IQSEC3: variants seen among roughly 807,000 people sequenced by gnomAD.
IQSEC3 encodes the protein IQ motif and SEC7 domain-containing protein 3.
A neutral mutation model predicts 105.4 loss-of-function variants in IQSEC3; 50 were observed. That is an observed-to-expected ratio of 0.47 (90% CI 0.38 to 0.60). The LOEUF (loss-of-function observed/expected upper bound fraction) is 0.60. Among genes scored for constraint, IQSEC3 ranks in the 20% least tolerant of loss-of-function variants. The probability of loss-of-function intolerance (pLI) is 0.00; values close to 1 mark genes in which losing one functional copy is unlikely to be tolerated. For missense variants in IQSEC3, 1,415 were observed against 1,630.0 expected (o/e 0.87, Z 2.27); for synonymous variants, 708 against 746.0 (o/e 0.95, Z 0.83).
At chr12:125,160 T>TA (rs563323168) in intron 2 of IQSEC3, among the ~76,000 whole-genome samples, 53 of 152,204 alleles carry the variant, frequency 3.5e-4, no homozygotes, top group African/African-American at 1.2e-3. Flanking sequence ...ATACTTACAA[T>TA]AGGTAACACA....
At position 96,392 on chromosome 12, in the gene IQSEC3, A is replaced by T. The variant is rs192668522; in HGVS notation, c.555-2754A>T. ...TAAGTTTTTCTTATCAGACTTAAAA[A>T]GGTGCGAGACTCTTAACTGATTTTC... On this transcript the variant is annotated intron_variant, in intron 1 of 13. Coordinates refer to ENST00000538872, the MANE Select transcript of IQSEC3 (RefSeq NM_001170738.2). Among the ~76,000 whole-genome samples, 252 of 152,336 alleles carry T rather than the reference A, an allele frequency of 1.7e-3. 1 individual carries two copies. Among genetic ancestry groups the T allele is most frequent in the Non-Finnish European group, 2.8e-3 (191 of 68,026 alleles).
In IQSEC3 at chr12:152,834, T is replaced by C. The variant is rs1378433953; in HGVS notation, c.2154-4191T>C. The stretch of plus-strand genomic sequence containing the variant: ...AGCCCTACGTGGCATTAGTTTTGTC[T>C]TCTGTAAAATGGGGAGATGATACAC... On this transcript the variant is annotated intron_variant, in intron 5 of 13. Coordinates refer to ENST00000538872, the MANE Select transcript of IQSEC3 (RefSeq NM_001170738.2). This position sits in a 1 kb window ranked among gnomAD's most constrained non-coding sequence, Gnocchi z 4.8. Among the ~76,000 whole-genome samples the C allele has an allele frequency of 7.9e-5, 12 of 152,126 alleles. No individual in the cohort carries two copies. The highest frequency in any genetic ancestry group is 2.7e-4 in the African/African-American group (11 of 41,412).
intron 2 of IQSEC3, among the ~76,000 whole-genome samples, chr12:114,571 C>T (rs868995957): frequency 1.1e-4 from 17 of 152,178 alleles, no homozygotes; most frequent in African/African-American, 2.9e-4. Context: ...GCTAAAGACC[C>T]GGATGAATGT....
Position 174,827 on chromosome 12 carries a change from A to G in IQSEC3, c.3343A>G (p.Ser1115Gly). 2.5e-6 allele frequency: 4 copies of G among 1,582,316 alleles called. No homozygotes were observed. The highest frequency in any genetic ancestry group is 3.4e-6 in the Non-Finnish European group (4 of 1,172,800). The part of the protein sequence containing the change: ...PCLARMEPLL[S>G]QALSCYTSSS... ...CCTGGCCCGCATGGAGCCCCTGCTG[A>G]GCCAGGCTCTCTCCTGCTACACCTC... The change falls in exon 14 of 14, where the codon AGC becomes GGC. Residue 1115 changes from serine (S) to glycine (G), a missense_variant. Physicochemically the swap from Ser to Gly is moderately conservative, Grantham distance 56. This residue lies in a region of IQSEC3 where 419 missense variants were observed against 436.2 expected (regional missense o/e 0.96). Transcript: ENST00000538872.
intron 2 of IQSEC3, among the ~76,000 whole-genome samples, chr12:110,425 T>A (rs570131542): frequency 6.6e-6 from 1 of 151,718 alleles, no homozygotes; most frequent in Non-Finnish European, 1.5e-5. Flanking sequence ...TTTTTATTGT[T>A]GGATCTCGAA....
At chr12:86,194 G>C (rs1441099829) in intron 1 of IQSEC3, among the ~76,000 whole-genome samples, 1 of 152,234 alleles carries the variant, frequency 6.6e-6, no homozygotes, top group Admixed American at 6.5e-5. Context: ...TTCCGGCCTA[G>C]GTGGGGCAGA....
At chr12:156,993 C>T (rs1555094460) in intron 5 of IQSEC3, 32 bp from the exon 6 acceptor site, 1 of 1,551,554 alleles carries the variant, frequency 6.4e-7, no homozygotes, top group Non-Finnish European at 8.7e-7. Context: ...TAGGGTGCCA[C>T]CTGACCTCAC....
At chr12:124,718 G>A (rs1387025083) in intron 2 of IQSEC3, among the ~76,000 whole-genome samples, 1 of 152,220 alleles carries the variant, frequency 6.6e-6, no homozygotes, top group Non-Finnish European at 1.5e-5. Flanking sequence ...CGTCCAGGAA[G>A]GCCTCATGGA....
intron 2 of IQSEC3, among the ~76,000 whole-genome samples, chr12:124,952 C>T (rs1865335973): frequency 6.6e-6 from 1 of 152,126 alleles, no homozygotes; most frequent in South Asian, 2.1e-4. Context: ...GTTTTCTAAA[C>T]CCAGCAGGGC....
Position 138,673 on chromosome 12 carries a change from A to T in IQSEC3, c.1310A>T (p.His437Leu), listed in dbSNP as rs1184791320. 6.4e-7 allele frequency: 1 copy of T among 1,555,360 alleles called. No individual in the cohort carries two copies. Residue 437 changes from histidine (H) to leucine (L), a missense_variant, in exon 4 of 14, where the codon CAC (histidine) becomes CTC (leucine). His to Leu is a moderately conservative substitution (Grantham distance 99). Transcript: ENST00000538872. The surrounding 1 kb of genome is among the most constrained non-coding windows in gnomAD (Gnocchi z 7.1). ...CGGGAGAGTGGCGCTTACCAGCTCC[A>T]CCAGGCCCTGCAGGCGGCCGCGGGG... Reference protein sequence around the residue: ...SLRESGAYQLHQALQAAAGPP... With the variant: ...SLRESGAYQLLQALQAAAGPP...
chr12:156,500 G>A (rs1555094313), intron 5 of IQSEC3, among the ~76,000 whole-genome samples: 1 of 151,952 alleles, frequency 6.6e-6, no homozygotes, highest in African/African-American at 2.4e-5. Context: ...TGGGGCAGCT[G>A]GGGGGAGCTG....
At chr12:92,809 G>T (rs1864130371) in intron 1 of IQSEC3, among the ~76,000 whole-genome samples, 5 of 152,228 alleles carry the variant, frequency 3.3e-5, no homozygotes, top group Admixed American at 3.3e-4. Context: ...TGTTGAGTGT[G>T]CAGCCCCTGG....
chr12:136,061 C>A lies in IQSEC3; in HGVS notation c.904-2206C>A, dbSNP rs80194663. 6.0e-3 allele frequency among the ~76,000 whole-genome samples: 908 copies of A among 152,282 alleles called. 10 individuals carry two copies. Among genetic ancestry groups the A allele is most frequent in the Middle Eastern group, 0.055 (16 of 292 alleles). ...GTGTGGTTTAGAGCACCTTGAAGACCCCTCCAATAGGGGGATTGTGATAGC... is the reference window on the plus strand; with the variant it reads ...GTGTGGTTTAGAGCACCTTGAAGACACCTCCAATAGGGGGATTGTGATAGC... On this transcript the variant is annotated intron_variant, in intron 3 of 13. Transcript: ENST00000538872.
chr12:108,529 G>A (rs988999661), intron 2 of IQSEC3, among the ~76,000 whole-genome samples: 4 of 152,196 alleles, frequency 2.6e-5, no homozygotes, highest in Non-Finnish European at 2.9e-5. Flanking sequence ...ATCGAGTAGT[G>A]GAATTTCTTT....
chr12:161,861 G>T, intron 7 of IQSEC3, 65 bp from the exon 8 acceptor site: 3 of 1,477,668 alleles, frequency 2.0e-6, no homozygotes, highest in South Asian at 2.6e-5. Flanking sequence ...CTTCTGTCTG[G>T]CTCCAGGGCT....
Position 66,978 on chromosome 12 carries a change from G to C in IQSEC3, c.96G>C (p.Gln32His). The C allele has an allele frequency of 6.5e-7, 1 of 1,533,316 alleles. No homozygotes were observed. The highest frequency in any genetic ancestry group is 2.4e-5 in the East Asian group (1 of 40,868). 95.0% of individuals were successfully genotyped at this position (1,533,316 alleles called of 1,614,324 possible). A position where few individuals can be genotyped will look rare whatever the true frequency, so the allele number is the denominator to read the frequency against. Residue 32 changes from glutamine to histidine, a missense_variant, in exon 1 of 14, where the codon CAG (glutamine) becomes CAC (histidine). By Grantham distance (24) the Gln-to-His change is conservative. This residue lies in a region of IQSEC3 where 34 missense variants were observed against 80.3 expected (regional missense o/e 0.42). Coordinates refer to ENST00000538872, the MANE Select transcript of IQSEC3 (RefSeq NM_001170738.2). ...VQNQQSLIHT[Q>H]RERIDELERR... ...ACCAGCAGAGCCTCATCCACACCCA[G>C]CGAGAGCGTATCGACGAGCTGGAGC...
chr12:110,403 G>A (rs995799687), intron 2 of IQSEC3, among the ~76,000 whole-genome samples: 1 of 151,596 alleles, frequency 6.6e-6, no homozygotes, highest in East Asian at 1.9e-4. Context: ...GAAATGCGGA[G>A]GGAGTCTTCT....
intron 5 of IQSEC3, among the ~76,000 whole-genome samples, chr12:149,871 G>A (rs1324529052): frequency 1.3e-5 from 2 of 152,172 alleles, no homozygotes; most frequent in African/African-American, 4.8e-5. Context: ...GAAGCGGCGA[G>A]AGAAGCTGGA....
intron 1 of IQSEC3, among the ~76,000 whole-genome samples, chr12:80,785 C>T (rs1555070534): frequency 2.0e-5 from 3 of 152,192 alleles, no homozygotes; most frequent in African/African-American, 7.2e-5. Flanking sequence ...GGAATCTGCA[C>T]TTTCAAACTG....
Sources: allele counts gnomAD v4.1 joint callset (sites outside exome capture counted in the v4.1 genomes callset), GRCh38; gene constraint gnomAD v4.1.1; regional missense constraint gnomAD v4.1.1; non-coding constraint Gnocchi (gnomAD v3.1); transcripts MANE v1.5; gene names NCBI Gene and HGNC (gene_info 2026-07-23, HGNC 2026-07-21).